ZNF207: variants seen among roughly 807,000 people sequenced by gnomAD.
ZNF207 encodes the protein zinc finger protein 207.
Under a neutral mutation model 60.2 loss-of-function variants are expected in ZNF207, and 24 were observed. That is an observed-to-expected ratio of 0.40 (90% CI 0.29 to 0.56). The LOEUF (loss-of-function observed/expected upper bound fraction) is 0.56. Among genes scored for constraint, ZNF207 ranks in the 20% least tolerant of loss-of-function variants. The probability of loss-of-function intolerance (pLI) is 0.49; values close to 1 mark genes in which losing one functional copy is unlikely to be tolerated. For synonymous variants in ZNF207, 236 were observed against 194.7 expected, an observed-to-expected ratio of 1.21 and a Z score of -1.77; for missense variants, 452 against 636.6, an observed-to-expected ratio of 0.71 and a Z score of 3.12.
chr17:32,368,245 T>C (rs1185738842), intron 10 of ZNF207: 1 of 563,600 alleles, frequency 1.8e-6, no homozygotes, highest in Non-Finnish European at 3.0e-6. Flanking sequence ...AGACTGTTTC[T>C]AAAAGAAGAC....
In ZNF207 at chr17:32,367,842, C is replaced by T. The variant is rs1185470883; in HGVS notation, c.992C>T (p.Thr331Ile). ...TTAAATAGTACCCCTGCAACAACTA[C>T]AGAACCCCCAAAGCCTACATTCCCT... ...KPLNSTPATT[T>I]EPPKPTFPAY... The change falls in exon 10 of 12, where the codon ACA (threonine) becomes ATA (isoleucine). Residue 331 changes from threonine to isoleucine, a missense_variant. By Grantham distance (89) the Thr-to-Ile change is moderately conservative. Around this residue, in one of 2 missense-constraint regions of ZNF207, gnomAD observed 390 missense variants for 461.4 expected, o/e 0.85. Transcript: ENST00000394670. The T allele has an allele frequency of 6.2e-7, 1 of 1,614,158 alleles. No homozygotes were observed. Among genetic ancestry groups the T allele is most frequent in the Non-Finnish European group, 8.5e-7 (1 of 1,180,026 alleles).
At chr17:32,351,715 G>A in intron 1 of ZNF207, 71 bp from the exon 2 acceptor site, 4 of 1,611,266 alleles carry the variant, frequency 2.5e-6, no homozygotes, top group Non-Finnish European at 3.4e-6. Flanking sequence ...ATATTGTAAT[G>A]TTATCCATAT....
Position 32,377,434 on chromosome 17 carries a change from T to C in ZNF207, c.*7675T>C, listed in dbSNP as rs371050339. ...AGAAAAAATACAGAGCATCTAGTTATTGAGCAAAGCCCCCTTTTACCTGTT... is the reference window on the plus strand; with the variant it reads ...AGAAAAAATACAGAGCATCTAGTTACTGAGCAAAGCCCCCTTTTACCTGTT... On this transcript the variant is annotated 3_prime_UTR_variant, in exon 12 of 12. Transcript: ENST00000394670. 3 of 151,994 alleles carry C rather than the reference T, an allele frequency of 2.0e-5. No homozygotes were observed. Among genetic ancestry groups the C allele is most frequent in the East Asian group, 3.8e-4 (2 of 5,204 alleles). The allele number at this position is 151,994 out of a possible 1,614,324, so 9.4% of individuals were successfully genotyped here.
chr17:32,350,669 G>A (rs2041485608), intron 1 of ZNF207, among the ~76,000 whole-genome samples: 2 of 152,146 alleles, frequency 1.3e-5, no homozygotes, highest in Non-Finnish European at 2.9e-5. Flanking sequence ...TTCAACAAGG[G>A]ACTTTTCTTC....
chr17:32,373,618 G>T lies in ZNF207; in HGVS notation c.*3859G>T, dbSNP rs531876741. The T allele has an allele frequency of 1.8e-5, 7 of 397,530 alleles. No homozygotes were observed. The highest frequency in any genetic ancestry group is 3.6e-5 in the East Asian group (1 of 28,032). The allele number at this position is 397,530 out of a possible 1,614,324, so 24.6% of individuals were successfully genotyped here. On this transcript the variant is annotated 3_prime_UTR_variant, in exon 12 of 12. Coordinates refer to ENST00000394670, the MANE Select transcript of ZNF207 (RefSeq NM_001098507.2). The stretch of plus-strand genomic sequence containing the variant: ...GAGAAGGCTCTATATTAATATTCAC[G>T]TTTGACTGTGGTGTTAATAAACATA...
rs1567824962 is a variant in ZNF207, at chr17:32,367,267, A to ATGTATG, written c.922-504_922-503insGTATGT. On this transcript the variant is annotated intron_variant, in intron 9 of 11. Coordinates refer to ENST00000394670, the MANE Select transcript of ZNF207 (RefSeq NM_001098507.2). ...TATATATATATATATATATATATAT[A>ATGTATG]TATATATATATATATATAAAGAATA... Among the ~76,000 whole-genome samples the ATGTATG allele has an allele frequency of 1.7e-5, 2 of 117,848 alleles. 1 individual carries two copies. The highest frequency in any genetic ancestry group is 3.5e-5 in the Non-Finnish European group (2 of 56,708). The allele number at this position is 117,848 out of a possible 152,430, so 77.3% of individuals were successfully genotyped here.
At position 32,379,755 on chromosome 17, in the gene ZNF207, G is replaced by T. The variant is rs1905811231; in HGVS notation, c.*9996G>T. 6.6e-6 allele frequency: 1 copy of T among 152,104 alleles called. No individual in the cohort carries two copies. The highest frequency in any genetic ancestry group is 2.4e-5 in the African/African-American group (1 of 41,434). The allele number at this position is 152,104 out of a possible 1,614,324, so 9.4% of individuals were successfully genotyped here. On this transcript the variant is annotated 3_prime_UTR_variant, in exon 12 of 12. Transcript: ENST00000394670. Reference sequence around the variant, plus strand: ...GTATTATTTAAGCCACTCTAACCCTGCATGAAAAATTGGAGTTAGAAATAC... The same window carrying T: ...GTATTATTTAAGCCACTCTAACCCTTCATGAAAAATTGGAGTTAGAAATAC...
At chr17:32,353,120 G>C (rs1260065288) in intron 2 of ZNF207, among the ~76,000 whole-genome samples, 1 of 152,226 alleles carries the variant, frequency 6.6e-6, no homozygotes, top group Non-Finnish European at 1.5e-5. Context: ...GTTGCAGTGA[G>C]CTGAGATGGT....
rs749796432 is a variant in ZNF207 at position 32,358,603 on chromosome 17, T to C, written c.269T>C (p.Met90Thr). ...ATGGAAGGTATTCCAGAAAAAGACA[T>C]GGATGAAAGACGACGACTTCTTGAA... Reference protein sequence around the residue: ...YGMEGIPEKDMDERRRLLEQK... With the variant: ...YGMEGIPEKDTDERRRLLEQK... The change falls in exon 3 of 12, where the codon ATG (methionine) becomes ACG (threonine). Residue 90 changes from methionine (M) to threonine (T), a missense_variant. Met to Thr is a moderately conservative substitution (Grantham distance 81). Coordinates refer to ENST00000394670, the MANE Select transcript of ZNF207 (RefSeq NM_001098507.2). The C allele has an allele frequency of 4.5e-6, 7 of 1,539,194 alleles. No homozygotes were observed. Among genetic ancestry groups the C allele is most frequent in the Non-Finnish European group, 6.1e-6 (7 of 1,150,932 alleles).
intron 7 of ZNF207, 77 bp downstream of exon 7, chr17:32,363,061 A>G: frequency 1.5e-6 from 2 of 1,338,004 alleles, no homozygotes; most frequent in East Asian, 4.9e-5. Flanking sequence ...TGTGGGCATT[A>G]GTATAATGAA....
chr17:32,358,440 C>G (rs1904672852), intron 2 of ZNF207, 63 bp from the exon 3 acceptor site: 2 of 1,472,372 alleles, frequency 1.4e-6, no homozygotes, highest in Middle Eastern at 1.7e-4. Context: ...ACTAAGCAGT[C>G]TTTGATTAAC....
intron 8 of ZNF207, among the ~76,000 whole-genome samples, chr17:32,366,007 CT>C (rs1286134922): frequency 2.6e-5 from 4 of 152,146 alleles, no homozygotes; most frequent in South Asian, 2.1e-4. Context: ...TTTTAAAAGT[CT>C]TTTTTCCAGA....
Position 32,372,757 on chromosome 17 carries a change from G to A in ZNF207, c.*2998G>A, listed in dbSNP as rs1905528840. On this transcript the variant is annotated 3_prime_UTR_variant, in exon 12 of 12. Coordinates refer to ENST00000394670, the MANE Select transcript of ZNF207 (RefSeq NM_001098507.2). ...ATAGTGTGGTTGAATTATGAGTGGA[G>A]CAAATTATATTCATATAATTAACTC... 6.6e-6 allele frequency: 1 copy of A among 152,170 alleles called. No homozygotes were observed. The highest frequency in any genetic ancestry group is 1.5e-5 in the Non-Finnish European group (1 of 68,038). The allele number at this position is 152,170 out of a possible 1,614,324, so 9.4% of individuals were successfully genotyped here.
At chr17:32,358,671 T>C (rs779775772) in intron 3 of ZNF207, 30 bp downstream of exon 3, 1 of 1,382,102 alleles carries the variant, frequency 7.2e-7, no homozygotes, top group Non-Finnish European at 9.4e-7. Context: ...TTATTTTATT[T>C]ATTTATTTTT....
intron 2 of ZNF207, among the ~76,000 whole-genome samples, chr17:32,355,580 G>C (rs1178069311): frequency 6.6e-6 from 1 of 152,182 alleles, no homozygotes; most frequent in East Asian, 1.9e-4. Flanking sequence ...TAAAACAGGA[G>C]ATAGAAATTT....
intron 2 of ZNF207, 25 bp downstream of exon 2, chr17:32,351,937 T>C (rs766623523): frequency 2.7e-5 from 40 of 1,503,864 alleles, no homozygotes; most frequent in Non-Finnish European, 3.5e-5. Context: ...TCTGTATTTA[T>C]TGTCCGCTTG....
intron 4 of ZNF207, 52 bp downstream of exon 4, chr17:32,360,817 T>C: frequency 1.2e-6 from 2 of 1,611,898 alleles, no homozygotes; most frequent in Non-Finnish European, 1.7e-6. Flanking sequence ...TTATTGATAT[T>C]GTATCGAAGT....
intron 2 of ZNF207, among the ~76,000 whole-genome samples, chr17:32,357,876 T>C (rs1241724943): frequency 6.6e-6 from 1 of 151,946 alleles, no homozygotes; most frequent in African/African-American, 2.4e-5. Context: ...CTCTGCTCAC[T>C]TCAAGTGATT....
chr17:32,361,149 T>G lies in ZNF207; in HGVS notation c.551+182T>G, dbSNP rs765888097. 68 of 700,664 alleles carry G rather than the reference T, an allele frequency of 9.7e-5. 1 individual carries two copies. The Middle Eastern group carries it at 7.7e-3, about 79-fold the overall frequency. 43.4% of individuals were successfully genotyped at this position (700,664 alleles called of 1,614,324 possible). A position where few individuals can be genotyped will look rare whatever the true frequency, so the allele number is the denominator to read the frequency against. ...TAAGGAATATAAATTTGCCTCTGAG[T>G]AATAGATTTTTGGGTTTTAGGGTAT... On this transcript the variant is annotated intron_variant, in intron 5 of 11. Coordinates refer to ENST00000394670, the MANE Select transcript of ZNF207 (RefSeq NM_001098507.2).
Sources: allele counts gnomAD v4.1 joint callset (sites outside exome capture counted in the v4.1 genomes callset), GRCh38; gene constraint gnomAD v4.1.1; regional missense constraint gnomAD v4.1.1; transcripts MANE v1.5; gene names NCBI Gene and HGNC (gene_info 2026-07-23, HGNC 2026-07-21).